KIF3A: variants seen among roughly 807,000 people sequenced by gnomAD.
The protein encoded by KIF3A is kinesin-like protein KIF3A.
A neutral mutation model predicts 92.6 loss-of-function variants in KIF3A; 27 were observed. That is an observed-to-expected ratio of 0.29 (90% CI 0.21 to 0.40). The LOEUF is 0.40. KIF3A is among the 10% of genes least tolerant of loss of function. The pLI, the probability that KIF3A is intolerant of heterozygous loss-of-function variation, is 1.00. For synonymous variants in KIF3A, 250 were observed against 275.4 expected, an observed-to-expected ratio of 0.91 and a Z score of 0.92; for missense variants, 581 against 872.6, an observed-to-expected ratio of 0.67 and a Z score of 4.21.
intron 8 of KIF3A, among the ~76,000 whole-genome samples, chr5:132,711,894 A>G (rs148390705): frequency 1.1e-4 from 17 of 152,316 alleles, no homozygotes; most frequent in African/African-American, 4.1e-4. Flanking sequence ...TAAAGATAAA[A>G]AACAAAAAAG....
At chr5:132,734,619 C>T in intron 1 of KIF3A, 141 bp from the exon 2 acceptor site, 1 of 655,250 alleles carries the variant, frequency 1.5e-6, no homozygotes, top group Non-Finnish European at 2.5e-6. Flanking sequence ...TTGTTAAATG[C>T]AATTAAAGAT....
intron 7 of KIF3A, 136 bp from the exon 8 acceptor site, chr5:132,716,067 CAT>C (rs1172663287): frequency 1.3e-5 from 11 of 836,506 alleles, no homozygotes; most frequent in Non-Finnish European, 2.0e-5. Context: ...GTGTCAACCA[CAT>C]GAGTTTCCAA....
At chr5:132,696,783 T>C in intron 18 of KIF3A, 101 bp from the exon 19 acceptor site, 1 of 856,056 alleles carries the variant, frequency 1.2e-6, no homozygotes, top group Non-Finnish European at 1.9e-6. Context: ...CTGTATAGTC[T>C]GGAAACAAGC....
intron 14 of KIF3A, 36 bp downstream of exon 14, chr5:132,702,521 AG>A: frequency 1.7e-6 from 2 of 1,204,530 alleles, no homozygotes; most frequent in Non-Finnish European, 2.4e-6. Flanking sequence ...TAAAAAATCC[AG>A]AACTGCATTA....
At position 132,724,810 on chromosome 5, in the gene KIF3A, TA is replaced by T. The variant is rs1453700379; in HGVS notation, c.510+1317del. Among the ~76,000 whole-genome samples, 20 of 16,324 alleles carry T rather than the reference TA, an allele frequency of 1.2e-3. 1 individual carries two copies. Among genetic ancestry groups the T allele is most frequent in the African/African-American group, 2.1e-3 (13 of 6,188 alleles). The allele number at this position is 16,324 out of a possible 152,430, so 10.7% of individuals were successfully genotyped here. On this transcript the variant is annotated intron_variant, in intron 4 of 18. Coordinates refer to ENST00000403231, the MANE Select transcript of KIF3A (RefSeq NM_001300791.2). ...AGTATAATAAAAAAAAAAAAAAATA[TA>T]TATATATATATATATATATATATAT...
intron 2 of KIF3A, among the ~76,000 whole-genome samples, chr5:132,730,391 G>C (rs1021528979): frequency 6.6e-6 from 1 of 151,836 alleles, no homozygotes. Context: ...GCTGGAACCC[G>C]GGGAAGCAGA....
intron 5 of KIF3A, among the ~76,000 whole-genome samples, chr5:132,719,330 A>C (rs1399938949): frequency 1.3e-5 from 2 of 152,160 alleles, no homozygotes; most frequent in Non-Finnish European, 2.9e-5. Context: ...ATTTTTTGCT[A>C]ATTTTTCTAT....
chr5:132,711,159 A>G lies in KIF3A; in HGVS notation c.1130-102T>C, dbSNP rs1039637683. The G allele has an allele frequency of 8.7e-5, 89 of 1,025,542 alleles. No individual in the cohort carries two copies. The Middle Eastern group carries it at 1.0e-3, about 12-fold the overall frequency. The allele number at this position is 1,025,542 out of a possible 1,614,324, so 63.5% of individuals were successfully genotyped here. On this transcript the variant is annotated intron_variant, in intron 8 of 18. Transcript: ENST00000403231. Reference sequence around the variant, plus strand: ...TTCTTCCTCAGATTTTTGTTACTGCAAACAACAAATTTAAATACTATTTAA... The same window carrying G: ...TTCTTCCTCAGATTTTTGTTACTGCGAACAACAAATTTAAATACTATTTAA...
downstream of KIF3A, among the ~76,000 whole-genome samples, chr5:132,689,044 G>T (rs1276345752): frequency 4.6e-5 from 7 of 152,188 alleles, no homozygotes; most frequent in Admixed American, 4.6e-4. Flanking sequence ...AAAGTCACTT[G>T]AAGATTGGGT....
chr5:132,701,745 A>T (rs1335756094), intron 15 of KIF3A, among the ~76,000 whole-genome samples: 1 of 151,686 alleles, frequency 6.6e-6, no homozygotes, highest in Non-Finnish European at 1.5e-5. Flanking sequence ...TACCATATAC[A>T]CACACACACA....
In KIF3A at chr5:132,703,053, C is replaced by A; in HGVS notation, c.1479G>T (p.Gln493His). The A allele has an allele frequency of 6.2e-7, 1 of 1,610,106 alleles. No homozygotes were observed. The highest frequency in any genetic ancestry group is 8.5e-7 in the Non-Finnish European group (1 of 1,178,732). The change falls in exon 13 of 19, where the codon CAG becomes CAT. Residue 493 changes from glutamine to histidine, a missense_variant. By Grantham distance (24) the Gln-to-His change is conservative (BLOSUM62 0). This residue lies in a region of KIF3A where 167 missense variants were observed against 205.8 expected (regional missense o/e 0.81). Coordinates refer to ENST00000403231, the MANE Select transcript of KIF3A (RefSeq NM_001300791.2). Reference sequence around the variant, plus strand: ...GGGCAGATAATTTTTCCAGCAAAGACTGATGCTCTTGTCTGTTGATTAGAA... The same window carrying A: ...GGGCAGATAATTTTTCCAGCAAAGAATGATGCTCTTGTCTGTTGATTAGAA... ...KDLLKAQQEH[Q>H]SLLEKLSALE...
intron 10 of KIF3A, among the ~76,000 whole-genome samples, chr5:132,706,904 C>T (rs1753231354): frequency 6.6e-6 from 1 of 152,176 alleles, no homozygotes; most frequent in Non-Finnish European, 1.5e-5. Context: ...AAAATTCACA[C>T]TGTCCATATC....
At chr5:132,725,641 T>C (rs968865369) in intron 4 of KIF3A, among the ~76,000 whole-genome samples, 2 of 152,190 alleles carry the variant, frequency 1.3e-5, no homozygotes, top group East Asian at 3.8e-4. Flanking sequence ...ATCGAACTGC[T>C]GGGAAGATTA....
chr5:132,720,619 G>A lies in KIF3A; in HGVS notation c.606C>T (p.Gly202=). ...ADDMDRIMTL[G]HKNRSVGATN... is the part of the protein sequence containing the mutation. Reference sequence around the variant, plus strand: ...ACACACTATACTTACGATTTTTGTGGCCTAGCGTCATAATTCTATCCATAT... The same window carrying A: ...ACACACTATACTTACGATTTTTGTGACCTAGCGTCATAATTCTATCCATAT... The change falls in exon 5 of 19, where the codon GGC becomes GGT. Residue 202 remains glycine (G), a synonymous_variant. Transcript: ENST00000403231. The A allele has an allele frequency of 6.2e-7, 1 of 1,601,644 alleles. No individual in the cohort carries two copies. Among genetic ancestry groups the A allele is most frequent in the Middle Eastern group, 1.7e-4 (1 of 6,022 alleles).
Position 132,706,504 on chromosome 5 carries a change from C to T in KIF3A, c.1301-45G>A, listed in dbSNP as rs760926142. 93 of 1,510,446 alleles carry T rather than the reference C, an allele frequency of 6.2e-5. No homozygotes were observed. The African/African-American group carries it at 6.9e-4, about 11-fold the overall frequency. The allele number at this position is 1,510,446 out of a possible 1,614,324, so 93.6% of individuals were successfully genotyped here. On this transcript the variant is annotated intron_variant, in intron 10 of 18. Coordinates refer to ENST00000403231, the MANE Select transcript of KIF3A (RefSeq NM_001300791.2). ...AGCAAATCGCAGACAGGAAGCAATA[C>T]GCACAGAGATGAGGAGGAAAAAAAG...
downstream of KIF3A, among the ~76,000 whole-genome samples, chr5:132,691,547 CAA>C (rs60796392): frequency 2.2e-4 from 33 of 148,166 alleles, no homozygotes; most frequent in Non-Finnish European, 2.5e-4. Flanking sequence ...AACTCCATCT[CAA>C]AAAAAAAAAA....
intron 1 of KIF3A, among the ~76,000 whole-genome samples, chr5:132,734,942 T>C (rs546419145): frequency 1.3e-5 from 2 of 152,328 alleles, no homozygotes; most frequent in Middle Eastern, 3.4e-3. Flanking sequence ...AATATATCCA[T>C]ATATGGCTTA....
intron 1 of KIF3A, among the ~76,000 whole-genome samples, chr5:132,735,769 C>A (rs938150743): frequency 2.0e-5 from 3 of 152,210 alleles, no homozygotes; most frequent in Non-Finnish European, 4.4e-5. Flanking sequence ...CTTAAAAATT[C>A]TTCAGTGGTT....
intron 11 of KIF3A, among the ~76,000 whole-genome samples, chr5:132,706,071 C>T (rs895723166): frequency 1.3e-5 from 2 of 151,932 alleles, no homozygotes; most frequent in African/African-American, 2.4e-5. Context: ...ATATTGTGAA[C>T]GTTAACCGGC....
Sources: allele counts gnomAD v4.1 joint callset (sites outside exome capture counted in the v4.1 genomes callset), GRCh38; gene constraint gnomAD v4.1.1; regional missense constraint gnomAD v4.1.1; transcripts MANE v1.5; gene names NCBI Gene and HGNC (gene_info 2026-07-23, HGNC 2026-07-21).